Variants in RBFOX1 observed in about 807,000 individuals in gnomAD.
RBFOX1 encodes RNA binding fox-1 homolog 1.
RBFOX1 carries 8 observed loss-of-function variants against 57.7 expected under a neutral mutation model. That is an observed-to-expected ratio of 0.14 (90% CI 0.08 to 0.25). The LOEUF is 0.25. RBFOX1 is among the 10% of genes least tolerant of loss of function. The pLI is 1.00. For missense variants in RBFOX1, 611 were observed against 548.5 expected (o/e 1.11, Z -1.14); for synonymous variants, 326 against 222.4 (o/e 1.47, Z -4.15).
chr16:7,543,721 TTA>T, intron 5 of RBFOX1, among the ~76,000 whole-genome samples: 2 of 139,600 alleles, frequency 1.4e-5, no homozygotes, highest in African/African-American at 2.7e-5. Flanking sequence ...GTGTGTGTGT[TTA>T]TTTTTTATAT....
chr16:6,244,084 A>G (rs1160878461), intron 1 of RBFOX1, among the ~76,000 whole-genome samples: 2 of 152,068 alleles, frequency 1.3e-5, no homozygotes, highest in South Asian at 2.1e-4. Context: ...ATATCTTGCC[A>G]TCTTTACTAA....
At chr16:6,320,863 A>C (rs1249331871) in intron 2 of RBFOX1, among the ~76,000 whole-genome samples, 1 of 152,170 alleles carries the variant, frequency 6.6e-6, no homozygotes, top group African/African-American at 2.4e-5. Flanking sequence ...GCACGATCTC[A>C]GCTCACTACA....
intron 1 of RBFOX1, among the ~76,000 whole-genome samples, chr16:6,315,608 A>G (rs1261057035): frequency 1.3e-5 from 2 of 151,894 alleles, no homozygotes; most frequent in African/African-American, 4.8e-5. Context: ...TGGATGGATG[A>G]ATGAGTGCAT....
intron 4 of RBFOX1, among the ~76,000 whole-genome samples, chr16:7,141,963 T>C (rs905031951): frequency 2.0e-5 from 3 of 152,106 alleles, no homozygotes; most frequent in Non-Finnish European, 2.9e-5. Context: ...CTATTTCTTA[T>C]TTTCCTTCTC....
intron 2 of RBFOX1, among the ~76,000 whole-genome samples, chr16:6,343,168 T>G (rs1322414961): frequency 1.3e-5 from 2 of 152,212 alleles, no homozygotes; most frequent in Non-Finnish European, 2.9e-5. Flanking sequence ...TCACAAAAGA[T>G]AGTCTCATCA....
intron 1 of RBFOX1, among the ~76,000 whole-genome samples, chr16:5,457,516 C>G (rs768498841): frequency 4.6e-5 from 7 of 152,198 alleles, no homozygotes; most frequent in Non-Finnish European, 1.0e-4. Flanking sequence ...ATTGGACCCA[C>G]CTCTGAAGAG....
intron 3 of RBFOX1, among the ~76,000 whole-genome samples, chr16:6,693,717 C>T (rs2060602263): frequency 6.6e-6 from 1 of 152,012 alleles, no homozygotes; most frequent in African/African-American, 2.4e-5. Flanking sequence ...CCTCCACTAC[C>T]ATCACCACCA....
At chr16:7,402,357 C>T (rs1308153820) in intron 4 of RBFOX1, among the ~76,000 whole-genome samples, 1 of 152,170 alleles carries the variant, frequency 6.6e-6, no homozygotes, top group Non-Finnish European at 1.5e-5. Flanking sequence ...CATTATCAAT[C>T]TTTAATAATT....
At chr16:5,379,970 C>G (rs1253037716) in intron 1 of RBFOX1, among the ~76,000 whole-genome samples, 1 of 152,196 alleles carries the variant, frequency 6.6e-6, no homozygotes, top group Non-Finnish European at 1.5e-5. Flanking sequence ...GGCAGGTGCC[C>G]TTGTTGGCTG....
intron 1 of RBFOX1, among the ~76,000 whole-genome samples, chr16:5,364,654 C>G (rs1281748051): frequency 6.6e-6 from 1 of 152,154 alleles, no homozygotes; most frequent in Non-Finnish European, 1.5e-5. Flanking sequence ...ATGCCAAGCA[C>G]TTGTGCTCTA....
chr16:6,161,036 T>C (rs2096874754), intron 1 of RBFOX1, among the ~76,000 whole-genome samples: 1 of 152,222 alleles, frequency 6.6e-6, no homozygotes, highest in South Asian at 2.1e-4. Flanking sequence ...CCCAGCTTTA[T>C]TCTGCAGCCC....
intron 2 of RBFOX1, among the ~76,000 whole-genome samples, chr16:6,587,854 C>A (rs1033146225): frequency 2.6e-5 from 4 of 152,184 alleles, no homozygotes; most frequent in Admixed American, 2.0e-4. Flanking sequence ...CCTCCGTCTT[C>A]CCATATATAT....
At chr16:7,588,464 G>A (rs2152901650) in intron 7 of RBFOX1, among the ~76,000 whole-genome samples, 1 of 152,318 alleles carries the variant, frequency 6.6e-6, no homozygotes, top group Admixed American at 6.5e-5. Flanking sequence ...GAATGATGGA[G>A]AACAAAGATG....
intron 5 of RBFOX1, among the ~76,000 whole-genome samples, chr16:7,575,683 T>C (rs1223370511): frequency 1.3e-5 from 2 of 152,176 alleles, no homozygotes; most frequent in Non-Finnish European, 2.9e-5. Context: ...TGAAGTCCAG[T>C]GGCTTTAAGC....
rs532705520 is a variant in RBFOX1 at position 6,816,739 on chromosome 16, A to G, written c.-16+162089A>G. 4.7e-4 allele frequency among the ~76,000 whole-genome samples: 68 copies of G among 144,650 alleles called. 1 individual carries two copies. The highest frequency in any genetic ancestry group is 1.7e-3 in the African/African-American group (68 of 39,934). The allele number at this position is 144,650 out of a possible 152,430, so 94.9% of individuals were successfully genotyped here. On this transcript the variant is annotated intron_variant, in intron 3 of 15. Coordinates refer to ENST00000550418, the MANE Select transcript of RBFOX1 (RefSeq NM_018723.4). ...TGGGTGACAGAGCAAGACTGTCTCA[A>G]AAAAAAAAAAAAAAGGAAGAAAAGA...
chr16:6,374,115 T>C (rs527775843), intron 2 of RBFOX1, among the ~76,000 whole-genome samples: 3 of 152,350 alleles, frequency 2.0e-5, no homozygotes, highest in Admixed American at 1.3e-4. Context: ...AAGGATGCTG[T>C]ATTAGTTTCT....
chr16:5,644,785 A>T (rs1417716762), intron 3 of RBFOX1, among the ~76,000 whole-genome samples: 2 of 152,236 alleles, frequency 1.3e-5, no homozygotes, highest in South Asian at 4.1e-4. Flanking sequence ...GTATCCGTTT[A>T]TCAGCTGATG....
intron 3 of RBFOX1, among the ~76,000 whole-genome samples, chr16:5,855,310 A>G (rs1177985954): frequency 6.6e-6 from 1 of 152,228 alleles, no homozygotes; most frequent in African/African-American, 2.4e-5. Context: ...GACCAATGTC[A>G]AGAAGGTTTT....
intron 3 of RBFOX1, among the ~76,000 whole-genome samples, chr16:6,948,375 C>CTTTTTTTTTTTTTTTTTTTTTTTTTT (rs968186299): frequency 2.9e-5 from 2 of 67,964 alleles, no homozygotes; most frequent in Non-Finnish European, 5.6e-5. Context: ...TTCTCCCTTT[C>CTTTTTTTTTTTTTTTTTTTTTTTTTT]TTTTTTTTTT....
Sources: gnomAD v4.1 joint callset for allele counts (sites outside exome capture counted in the v4.1 genomes callset) on GRCh38, gnomAD v4.1.1 for gene constraint, MANE v1.5 for transcripts, NCBI Gene and HGNC (gene_info 2026-07-23, HGNC 2026-07-21) for gene names.